Variants in KNDC1 observed in about 807,000 individuals in gnomAD.
The protein encoded by KNDC1 is kinase non-catalytic C-lobe domain containing 1.
KNDC1 carries 106 observed loss-of-function variants against 172.8 expected under a neutral mutation model. The observed-to-expected ratio is 0.61, with a 90% CI of 0.52 to 0.72. KNDC1 has a LOEUF of 0.72. Among genes scored for constraint, KNDC1 ranks in the 30% least tolerant of loss-of-function variants. The probability of loss-of-function intolerance (pLI) is 0.00; values close to 1 mark genes in which losing one functional copy is unlikely to be tolerated. For synonymous variants in KNDC1, 1,083 were observed against 1,062.2 expected (o/e 1.02, Z -0.38); for missense variants, 2,325 against 2,394.5 (o/e 0.97, Z 0.61).
chr10:133,195,233 G>A (rs1854155306), intron 9 of KNDC1, among the ~76,000 whole-genome samples: 1 of 152,230 alleles, frequency 6.6e-6, no homozygotes, highest in African/African-American at 2.4e-5. Flanking sequence ...TTCGCTCGGA[G>A]AGCCAGTTGT....
At chr10:133,213,243 C>T (rs762724932) in intron 24 of KNDC1, among the ~76,000 whole-genome samples, 1 of 152,234 alleles carries the variant, frequency 6.6e-6, no homozygotes, top group Non-Finnish European at 1.5e-5. Context: ...GTCTCTCCCC[C>T]CAGCCCCTCC....
At chr10:133,215,161 G>A (rs963657819) in intron 26 of KNDC1, among the ~76,000 whole-genome samples, 1 of 152,202 alleles carries the variant, frequency 6.6e-6, no homozygotes, top group Non-Finnish European at 1.5e-5. Context: ...CTGGGCCGGA[G>A]CTCTCTGAAA....
At chr10:133,166,016 C>T (rs769988199) in intron 1 of KNDC1, among the ~76,000 whole-genome samples, 10 of 152,334 alleles carry the variant, frequency 6.6e-5, no homozygotes, top group East Asian at 5.8e-4. Context: ...CAGGCCCCAC[C>T]GGGCGCCCAT....
chr10:133,181,999 T>C, intron 3 of KNDC1, among the ~76,000 whole-genome samples: 1 of 152,066 alleles, frequency 6.6e-6, no homozygotes. Flanking sequence ...AAAAAGGAGT[T>C]TGAGGCAGAA....
chr10:133,183,925 G>A lies in KNDC1; in HGVS notation c.561G>A (p.Val187=), dbSNP rs146849190. Reference sequence around the variant, plus strand: ...TGCAGCTCACATCCTCCTGTCGCGTGTGCCGGAGCCTCTCTGCTGTGGGGA... The same window carrying A: ...TGCAGCTCACATCCTCCTGTCGCGTATGCCGGAGCCTCTCTGCTGTGGGGA... The part of the protein sequence containing the change: ...EKLQLTSSCR[V]CRSLSAVGRR... Residue 187 remains valine, a synonymous_variant, in exon 5 of 30, where the codon GTG becomes GTA. Coordinates refer to ENST00000304613, the MANE Select transcript of KNDC1 (RefSeq NM_152643.8). 6.6e-4 allele frequency: 1,063 copies of A among 1,604,166 alleles called. 21 individuals carry two copies. In the East Asian group the frequency reaches 0.02, roughly 30 times the overall value.
chr10:133,180,520 C>T (rs1381973893), intron 3 of KNDC1, among the ~76,000 whole-genome samples: 2 of 152,248 alleles, frequency 1.3e-5, no homozygotes, highest in African/African-American at 4.8e-5. Context: ...CAGATTAGGT[C>T]TGGATATCTT....
intron 12 of KNDC1, among the ~76,000 whole-genome samples, chr10:133,198,056 C>A (rs1485844110): frequency 6.6e-6 from 1 of 152,154 alleles, no homozygotes; most frequent in Non-Finnish European, 1.5e-5. Flanking sequence ...ACACAGAGCC[C>A]ACCCCACCCC....
At chr10:133,170,484 G>C (rs1041400918) in intron 3 of KNDC1, among the ~76,000 whole-genome samples, 7 of 152,270 alleles carry the variant, frequency 4.6e-5, no homozygotes, top group Non-Finnish European at 8.8e-5. Context: ...TGCGTCATAG[G>C]GGATGTGGGT....
chr10:133,198,912 A>C lies in KNDC1; in HGVS notation c.2404A>C (p.Ile802Leu). The C allele has an allele frequency of 6.3e-7, 1 of 1,583,384 alleles. No individual in the cohort carries two copies. Among genetic ancestry groups the C allele is most frequent in the Non-Finnish European group, 8.6e-7 (1 of 1,169,536 alleles). The change falls in exon 14 of 30, where the codon ATC becomes CTC. Residue 802 changes from isoleucine (I) to leucine (L), a missense_variant. Transcript: ENST00000304613. ...CGTAGAGCAAGGGCCGGCTGAGCCG[A>C]TCCCACCTGGAGTTGCTTCCGGGGG... ...LPVEQGPAEP[I>L]PPGVASGGLR...
rs768194603 is a variant in KNDC1, at chr10:133,198,880, C to T, written c.2372C>T (p.Ala791Val). The T allele has an allele frequency of 2.2e-5, 35 of 1,595,924 alleles. No homozygotes were observed. The Admixed American group carries it at 3.0e-4, about 14-fold the overall frequency. Residue 791 changes from alanine (A) to valine (V), a missense_variant, in exon 14 of 30, where the codon GCG becomes GTG. By Grantham distance (64) the Ala-to-Val change is moderately conservative (BLOSUM62 0). Transcript: ENST00000304613. Reference sequence around the variant, plus strand: ...CCCGCCCCGCCCACGAAGGCATCTGCGCTGCCCGTAGAGCAAGGGCCGGCT... The same window carrying T: ...CCCGCCCCGCCCACGAAGGCATCTGTGCTGCCCGTAGAGCAAGGGCCGGCT... ...PVPAPPTKAS[A>V]LPVEQGPAEP...
chr10:133,189,539 C>A, intron 7 of KNDC1, 59 bp from the exon 8 acceptor site: 1 of 1,542,102 alleles, frequency 6.5e-7, no homozygotes, highest in Non-Finnish European at 8.9e-7. Context: ...TCCTTCCCCC[C>A]AGCCAGCCCC....
intron 12 of KNDC1, 87 bp from the exon 13 acceptor site, chr10:133,198,250 G>T: frequency 7.1e-7 from 1 of 1,413,950 alleles, no homozygotes; most frequent in Non-Finnish European, 9.4e-7. Flanking sequence ...CACTGGGTGG[G>T]ATGAGCACTG....
rs9419032 is a variant in KNDC1, at chr10:133,224,257, T to A, written c.5019-402T>A. 0.81 allele frequency among the ~76,000 whole-genome samples: 123,198 copies of A among 152,046 alleles called. 50,700 individuals are homozygous for A. Among genetic ancestry groups the A allele is most frequent in the Non-Finnish European group, 0.89 (60,659 of 68,004 alleles). On this transcript the variant is annotated intron_variant, in intron 29 of 29. Transcript: ENST00000304613. The surrounding 1 kb of genome is among the most constrained non-coding windows in gnomAD (Gnocchi z 5.4). ...TCACTGTCAACCAGCTGTCCCAGGC[T>A]TCCGGCCCTGGGCCCCGGCCGTGGC...
chr10:133,161,364 G>A (rs1311452812), intron 1 of KNDC1, among the ~76,000 whole-genome samples: 2 of 152,186 alleles, frequency 1.3e-5, no homozygotes, highest in African/African-American at 2.4e-5. Flanking sequence ...CTGCGTCTCC[G>A]GGTGACAGCG....
chr10:133,207,800 CT>C (rs1192039160), intron 20 of KNDC1, among the ~76,000 whole-genome samples: 1 of 152,240 alleles, frequency 6.6e-6, no homozygotes, highest in Admixed American at 6.5e-5. Context: ...CAGGAGACCC[CT>C]GATCCGTAAA....
At chr10:133,188,044 C>T (rs1049748997) in intron 6 of KNDC1, among the ~76,000 whole-genome samples, 3 of 152,112 alleles carry the variant, frequency 2.0e-5, no homozygotes, top group Non-Finnish European at 4.4e-5. Flanking sequence ...ACTGTCCTCA[C>T]GGTTCCTCCC....
At chr10:133,214,666 G>A (rs1295713334) in intron 26 of KNDC1, among the ~76,000 whole-genome samples, 1 of 152,238 alleles carries the variant, frequency 6.6e-6, no homozygotes, top group Non-Finnish European at 1.5e-5. Context: ...CCTCCTGGCC[G>A]AATGCTCATT....
chr10:133,175,898 GTGGA>G (rs747267496), intron 3 of KNDC1, among the ~76,000 whole-genome samples: 54 of 148,844 alleles, frequency 3.6e-4, no homozygotes, highest in African/African-American at 1.2e-3. Flanking sequence ...GAATGGATGG[GTGGA>G]TGGATGGATG....
chr10:133,224,666 G>A lies in KNDC1; in HGVS notation c.5026G>A (p.Ala1676Thr), dbSNP rs1164617802. 12 of 1,613,640 alleles carry A rather than the reference G, an allele frequency of 7.4e-6. No individual in the cohort carries two copies. Among genetic ancestry groups the A allele is most frequent in the African/African-American group, 4.0e-5 (3 of 74,908 alleles). ...AHRWSKLRNI[A>T]KVVSQVHAFQ... Reference sequence around the variant, plus strand: ...TTCTTTCCTCAACGGAAGGAACATCGCAAAGGTGGTGAGCCAGGTGCACGC... The same window carrying A: ...TTCTTTCCTCAACGGAAGGAACATCACAAAGGTGGTGAGCCAGGTGCACGC... Residue 1676 changes from alanine (A) to threonine (T), a missense_variant, in exon 30 of 30, where the codon GCA becomes ACA. Ala to Thr is a moderately conservative substitution (Grantham distance 58). Coordinates refer to ENST00000304613, the MANE Select transcript of KNDC1 (RefSeq NM_152643.8). This position sits in a 1 kb window ranked among gnomAD's most constrained non-coding sequence, Gnocchi z 5.4.
Sources: allele counts gnomAD v4.1 joint callset (sites outside exome capture counted in the v4.1 genomes callset), GRCh38; gene constraint gnomAD v4.1.1; non-coding constraint Gnocchi (gnomAD v3.1); transcripts MANE v1.5; gene names NCBI Gene and HGNC (gene_info 2026-07-23, HGNC 2026-07-21).